GDNF: variants seen among roughly 807,000 people sequenced by gnomAD.
GDNF encodes glial cell line-derived neurotrophic factor.
Under a neutral mutation model 13.7 loss-of-function variants are expected in GDNF, and 5 were observed. That is an observed-to-expected ratio of 0.36 (90% confidence interval 0.19 to 0.77). The LOEUF (loss-of-function observed/expected upper bound fraction) is 0.77. Among genes scored for constraint, GDNF ranks in the 30% least tolerant of loss-of-function variants. The pLI, the probability that GDNF is intolerant of heterozygous loss-of-function variation, is 0.51. For synonymous variants in GDNF, 122 were observed against 112.5 expected, an observed-to-expected ratio of 1.08 and a Z score of -0.53; for missense variants, 246 against 274.3, an observed-to-expected ratio of 0.90 and a Z score of 0.73.
rs1485050607 is a variant in GDNF, at chr5:37,838,671, C to A, written c.-27+836G>T. The stretch of plus-strand genomic sequence containing the variant: ...GTCCGTTTCCAGCCCGAAGAGGGTT[C>A]GTTTTTCTTCGTTGGGGCAGGAAAC... On this transcript the variant is annotated intron_variant, in intron 1 of 2. Coordinates refer to ENST00000326524, the MANE Select transcript of GDNF (RefSeq NM_000514.4). This position sits in a 1 kb window ranked among gnomAD's most constrained non-coding sequence, Gnocchi z 4.1. Among the ~76,000 whole-genome samples the A allele has an allele frequency of 6.6e-6, 1 of 152,188 alleles. No homozygotes were observed. The highest frequency in any genetic ancestry group is 2.1e-4 in the South Asian group (1 of 4,832).
chr5:37,834,710 G>A lies in GDNF; in HGVS notation c.87C>T (p.Pro29=). ...AFPLPAGKRP[P]EAPAEDRSLG... The stretch of plus-strand genomic sequence containing the variant: ...GGGAGCGGTCTTCGGCGGGCGCCTC[G>A]GGAGGCCTCTTACCGGCGGGCAGCG... Residue 29 remains proline (P), a synonymous_variant, in exon 2 of 3, where the codon CCC becomes CCT. Transcript: ENST00000326524. The A allele has an allele frequency of 6.2e-7, 1 of 1,610,860 alleles. No homozygotes were observed.
intron 2 of GDNF, 44 bp downstream of exon 2, chr5:37,834,602 G>A: frequency 4.9e-6 from 7 of 1,422,378 alleles, no homozygotes; most frequent in South Asian, 1.5e-5. Flanking sequence ...GGGGTGCGAG[G>A]GGGTCCGCCG....
At chr5:37,826,944 T>C (rs577367195) in intron 2 of GDNF, among the ~76,000 whole-genome samples, 4 of 152,286 alleles carry the variant, frequency 2.6e-5, no homozygotes, top group South Asian at 4.1e-4. Flanking sequence ...AATGGCTCCT[T>C]GGAACAAACT....
intron 2 of GDNF, among the ~76,000 whole-genome samples, chr5:37,818,628 T>A (rs1750014806): frequency 1.3e-5 from 2 of 152,210 alleles, no homozygotes; most frequent in African/African-American, 4.8e-5. Context: ...CTCTGGATAT[T>A]GCAAATGTCC....
intron 2 of GDNF, among the ~76,000 whole-genome samples, chr5:37,826,495 G>A (rs569657045): frequency 1.9e-4 from 29 of 152,336 alleles, no homozygotes; most frequent in African/African-American, 7.0e-4. Context: ...GGTGGGTTGT[G>A]GGCAGAAGCC....
intron 2 of GDNF, among the ~76,000 whole-genome samples, chr5:37,819,131 C>A (rs1375075294): frequency 1.3e-5 from 2 of 152,128 alleles, no homozygotes; most frequent in Non-Finnish European, 2.9e-5. Context: ...TGAGTCGGGT[C>A]ATTTTACTAG....
At chr5:37,836,366 AG>A (rs1347481751) in intron 1 of GDNF, among the ~76,000 whole-genome samples, 1 of 152,026 alleles carries the variant, frequency 6.6e-6, no homozygotes, top group African/African-American at 2.4e-5. Context: ...AACCCGGGGA[AG>A]CCTTTAATTC....
At chr5:37,831,300 G>T (rs1296428245) in intron 2 of GDNF, among the ~76,000 whole-genome samples, 3 of 152,156 alleles carry the variant, frequency 2.0e-5, no homozygotes, top group Admixed American at 6.5e-5. Flanking sequence ...TTCCATGAGG[G>T]CAGCGACTTT....
In GDNF at chr5:37,819,174, C is replaced by T. The variant is rs573264171; in HGVS notation, c.152-3039G>A. 1.8e-3 allele frequency among the ~76,000 whole-genome samples: 268 copies of T among 152,188 alleles called. 1 individual carries two copies. The highest frequency in any genetic ancestry group is 6.3e-3 in the African/African-American group (262 of 41,520). On this transcript the variant is annotated intron_variant, in intron 2 of 2. Transcript: ENST00000326524. Reference sequence around the variant, plus strand: ...GAGAGTTCTTAATTTTTCAAGGGGACTCTGGGACTTTAGCTGAAAACTGCA... The same window carrying T: ...GAGAGTTCTTAATTTTTCAAGGGGATTCTGGGACTTTAGCTGAAAACTGCA...
chr5:37,820,618 C>T (rs1467654406), intron 2 of GDNF, among the ~76,000 whole-genome samples: 6 of 152,138 alleles, frequency 3.9e-5, no homozygotes, highest in Non-Finnish European at 8.8e-5. Flanking sequence ...GGTTCATCAA[C>T]TATAATAAAT....
At chr5:37,825,865 TG>T (rs1750295482) in intron 2 of GDNF, among the ~76,000 whole-genome samples, 1 of 152,218 alleles carries the variant, frequency 6.6e-6, no homozygotes, top group Admixed American at 6.5e-5. Context: ...TGAATTTGTT[TG>T]GTAGATTCTT....
At chr5:37,825,484 G>A (rs1750279841) in intron 2 of GDNF, among the ~76,000 whole-genome samples, 1 of 152,092 alleles carries the variant, frequency 6.6e-6, no homozygotes, top group Non-Finnish European at 1.5e-5. Flanking sequence ...CTCCAGAGTC[G>A]GTAATAAACA....
At chr5:37,822,943 A>T (rs1030077468) in intron 2 of GDNF, among the ~76,000 whole-genome samples, 2 of 152,266 alleles carry the variant, frequency 1.3e-5, no homozygotes, top group African/African-American at 4.8e-5. Context: ...TATCATTACA[A>T]GAACTACATG....
intron 2 of GDNF, among the ~76,000 whole-genome samples, chr5:37,830,159 T>C (rs1418334887): frequency 6.6e-6 from 1 of 152,188 alleles, no homozygotes; most frequent in Non-Finnish European, 1.5e-5. Flanking sequence ...TTACTAAGTA[T>C]TTTTTGCTAG....
intron 2 of GDNF, among the ~76,000 whole-genome samples, chr5:37,819,484 C>T (rs1168580186): frequency 7.0e-6 from 1 of 143,276 alleles, no homozygotes; most frequent in East Asian, 2.1e-4. Flanking sequence ...CGGAGTTTCA[C>T]TCTTGTCGCC....
Position 37,815,725 on chromosome 5 carries a change from GGTC to G in GDNF, c.559_561del (p.Asp187del). The G allele has an allele frequency of 6.2e-7, 1 of 1,613,732 alleles. No individual in the cohort carries two copies. On this transcript the variant is annotated inframe_deletion, in exon 3 of 3. Coordinates refer to ENST00000326524, the MANE Select transcript of GDNF (RefSeq NM_000514.4). This position sits in a 1 kb window ranked among gnomAD's most constrained non-coding sequence, Gnocchi z 5.0. ...ACCAGGTTATCATCTAAAAACGACAGGTCATCATCAAAGGCGATGGGTCTGCAA... is the reference window on the plus strand; with the variant it reads ...ACCAGGTTATCATCTAAAAACGACAGATCATCAAAGGCGATGGGTCTGCAA...
chr5:37,822,302 G>A (rs191485267), intron 2 of GDNF, among the ~76,000 whole-genome samples: 16 of 152,186 alleles, frequency 1.1e-4, no homozygotes, highest in Non-Finnish European at 2.4e-4. Flanking sequence ...CCAGAGAGAA[G>A]GCTCAGGGGT....
At chr5:37,827,723 T>C (rs1045997257) in intron 2 of GDNF, among the ~76,000 whole-genome samples, 1 of 152,222 alleles carries the variant, frequency 6.6e-6, no homozygotes, top group African/African-American at 2.4e-5. Context: ...TCAGACCTTT[T>C]CTGACCAAAA....
Position 37,837,576 on chromosome 5 carries a change from A to G in GDNF, c.-27+1931T>C, listed in dbSNP as rs539646788. ...TTCCCGGCAGCAGGGGGCACCAGAA[A>G]CCGTCTGAGCCGTGTCGCGCCCACG... On this transcript the variant is annotated intron_variant, in intron 1 of 2. Transcript: ENST00000326524. This position sits in a 1 kb window ranked among gnomAD's most constrained non-coding sequence, Gnocchi z 6.5. Among the ~76,000 whole-genome samples the G allele has an allele frequency of 9.5e-4, 145 of 152,140 alleles. No individual in the cohort carries two copies. Among genetic ancestry groups the G allele is most frequent in the African/African-American group, 2.9e-3 (121 of 41,520 alleles).
Sources: allele counts gnomAD v4.1 joint callset (sites outside exome capture counted in the v4.1 genomes callset), GRCh38; gene constraint gnomAD v4.1.1; non-coding constraint Gnocchi (gnomAD v3.1); transcripts MANE v1.5; gene names NCBI Gene and HGNC (gene_info 2026-07-23, HGNC 2026-07-21).